Variants in SMAD2 observed in about 807,000 individuals in gnomAD.
The protein encoded by SMAD2 is MAD homolog 2.
A neutral mutation model predicts 64.4 loss-of-function variants in SMAD2; 8 were observed. That is an observed-to-expected ratio of 0.12 (90% CI 0.07 to 0.22). SMAD2 has a LOEUF of 0.22. Ranked by LOEUF, SMAD2 falls within the 10% of genes least tolerant of loss-of-function variation. The pLI, the probability that SMAD2 is intolerant of heterozygous loss-of-function variation, is 1.00. For synonymous variants in SMAD2, 203 were observed against 195.8 expected, an observed-to-expected ratio of 1.04 and a Z score of -0.31; for missense variants, 289 against 561.2, an observed-to-expected ratio of 0.51 and a Z score of 4.90.
At chr18:47,902,876 A>C (rs1598866896) in intron 1 of SMAD2, among the ~76,000 whole-genome samples, 1 of 152,120 alleles carries the variant, frequency 6.6e-6, no homozygotes, top group African/African-American at 2.4e-5. Flanking sequence ...TCCTGCCATA[A>C]ATGAAAGAAA....
At chr18:47,854,319 C>A (rs957954978) in intron 6 of SMAD2, among the ~76,000 whole-genome samples, 3 of 152,278 alleles carry the variant, frequency 2.0e-5, no homozygotes, top group East Asian at 1.9e-4. Flanking sequence ...AGGATACATT[C>A]GTCAAACCTT....
At chr18:47,907,394 G>T (rs1439077201) in intron 1 of SMAD2, among the ~76,000 whole-genome samples, 1 of 152,152 alleles carries the variant, frequency 6.6e-6, no homozygotes, top group East Asian at 1.9e-4. Flanking sequence ...AACATGCTGG[G>T]CAAAAGACAA....
rs908726027 is a variant in SMAD2 at position 47,839,944 on chromosome 18, C to T, written c.*1883G>A. 1.1e-4 allele frequency: 26 copies of T among 233,084 alleles called. No individual in the cohort carries two copies. The highest frequency in any genetic ancestry group is 4.9e-4 in the African/African-American group (22 of 45,344). 14.4% of individuals were successfully genotyped at this position (233,084 alleles called of 1,614,324 possible). ...TTCTCCAGTACAGTACCCTGTTTAT[C>T]TCCTTCATAGACAAGTAAGATAATT... is the stretch of plus-strand genomic sequence containing the variant. On this transcript the variant is annotated 3_prime_UTR_variant, in exon 11 of 11. Transcript: ENST00000262160.
chr18:47,851,233 T>C (rs754725912), intron 7 of SMAD2, 41 bp downstream of exon 7: 10 of 1,338,054 alleles, frequency 7.5e-6, no homozygotes, highest in Non-Finnish European at 1.1e-5. Flanking sequence ...AAGTAGGTGA[T>C]ACAGTATAAA....
At chr18:47,922,213 TTAGA>T (rs754813496) in intron 1 of SMAD2, among the ~76,000 whole-genome samples, 1 of 152,206 alleles carries the variant, frequency 6.6e-6, no homozygotes, top group African/African-American at 2.4e-5. Flanking sequence ...GAATTTTTAT[TTAGA>T]AAGAAAACCA....
chr18:47,867,758 T>C (rs769719244), intron 5 of SMAD2, among the ~76,000 whole-genome samples: 2 of 151,690 alleles, frequency 1.3e-5, no homozygotes, highest in African/African-American at 2.4e-5. Flanking sequence ...TTGAGAACCA[T>C]GTAGCTGAAT....
chr18:47,923,408 A>AT (rs2144549055), intron 1 of SMAD2, among the ~76,000 whole-genome samples: 1 of 152,350 alleles, frequency 6.6e-6, no homozygotes, highest in East Asian at 1.9e-4. Flanking sequence ...ACTTTATACA[A>AT]TGATGTAAAT....
Position 47,836,283 on chromosome 18 carries a change from A to C in SMAD2, c.*5544T>G, listed in dbSNP as rs1913405403. On this transcript the variant is annotated 3_prime_UTR_variant, in exon 11 of 11. Transcript: ENST00000262160. ...AAAGAGGGAGCAATCTAGTATTATC[A>C]ACAACAACAAAGTTAACCCTAAGTT... 1 of 223,508 alleles carries C rather than the reference A, an allele frequency of 4.5e-6. No individual in the cohort carries two copies. Among genetic ancestry groups the C allele is most frequent in the South Asian group, 1.8e-4 (1 of 5,438 alleles). 13.8% of individuals were successfully genotyped at this position (223,508 alleles called of 1,614,324 possible). A position where few individuals can be genotyped will look rare whatever the true frequency, so the allele number is the denominator to read the frequency against.
At chr18:47,863,749 A>G (rs2031359445) in intron 6 of SMAD2, among the ~76,000 whole-genome samples, 1 of 152,216 alleles carries the variant, frequency 6.6e-6, no homozygotes, top group Non-Finnish European at 1.5e-5. Context: ...TAATGCCTGC[A>G]TAAATGGTCA....
At chr18:47,861,162 C>A (rs1402114917) in intron 6 of SMAD2, among the ~76,000 whole-genome samples, 2 of 152,050 alleles carry the variant, frequency 1.3e-5, no homozygotes, top group Admixed American at 6.6e-5. Context: ...TCGAGACCAG[C>A]CTGACCAACG....
intron 5 of SMAD2, among the ~76,000 whole-genome samples, chr18:47,866,512 T>G (rs1391651465): frequency 1.3e-5 from 2 of 151,760 alleles, no homozygotes; most frequent in Admixed American, 1.3e-4. Context: ...TCAAAGAACA[T>G]AAAAATAAGG....
At chr18:47,847,544 T>C (rs972360384) in intron 8 of SMAD2, among the ~76,000 whole-genome samples, 4 of 148,582 alleles carry the variant, frequency 2.7e-5, no homozygotes, top group Admixed American at 6.8e-5. Context: ...ATATTAGATA[T>C]AAAAACTGAG....
At chr18:47,898,292 G>A (rs938793296) in intron 1 of SMAD2, among the ~76,000 whole-genome samples, 1 of 152,174 alleles carries the variant, frequency 6.6e-6, no homozygotes, top group African/African-American at 2.4e-5. Context: ...ACTAGTAACT[G>A]GATTATACGT....
chr18:47,858,635 T>C lies in SMAD2; in HGVS notation c.730+6424A>G, dbSNP rs146781696. On this transcript the variant is annotated intron_variant, in intron 6 of 10. Transcript: ENST00000262160. ...TCAATAATAGTACAAACAACAGAAG[T>C]AGATGAATGAAACTAGAGTGGTGTA... Among the ~76,000 whole-genome samples, 13 of 152,228 alleles carry C rather than the reference T, an allele frequency of 8.5e-5. No individual in the cohort carries two copies. The South Asian group carries it at 2.3e-3, about 27-fold the overall frequency.
chr18:47,928,034 A>G (rs974477569), intron 1 of SMAD2, among the ~76,000 whole-genome samples: 4 of 152,200 alleles, frequency 2.6e-5, no homozygotes, highest in Non-Finnish European at 5.9e-5. Context: ...TCTCACAGAA[A>G]CTAAGGGCCT....
chr18:47,896,876 C>G, intron 1 of SMAD2, 67 bp from the exon 2 acceptor site: 1 of 1,418,944 alleles, frequency 7.0e-7, no homozygotes, highest in Middle Eastern at 1.7e-4. Flanking sequence ...TTCAACTTAT[C>G]ATAGAAAGCA....
intron 2 of SMAD2, chr18:47,895,751 T>C (rs1195112300): frequency 2.0e-5 from 3 of 152,262 alleles, no homozygotes; most frequent in Non-Finnish European, 4.4e-5. Flanking sequence ...GCATCAAAAG[T>C]GTACTTCTCA....
rs569258134 is a variant in SMAD2 at position 47,826,431 on chromosome 18, G to A, written c.*15396C>T. 6.6e-6 allele frequency: 1 copy of A among 152,350 alleles called. No homozygotes were observed. Among genetic ancestry groups the A allele is most frequent in the South Asian group, 2.1e-4 (1 of 4,824 alleles). 9.4% of individuals were successfully genotyped at this position (152,350 alleles called of 1,614,324 possible). A position where few individuals can be genotyped will look rare whatever the true frequency, so the allele number is the denominator to read the frequency against. On this transcript the variant is annotated 3_prime_UTR_variant, in exon 11 of 11. Coordinates refer to ENST00000262160, the MANE Select transcript of SMAD2 (RefSeq NM_005901.6). ...GCCATGTGGCTTGTTTCTGGTGAAT[G>A]CTAGTTAGCATGAAGCATGCAGACA...
intron 1 of SMAD2, among the ~76,000 whole-genome samples, chr18:47,918,827 G>A (rs904613757): frequency 6.6e-6 from 1 of 152,066 alleles, no homozygotes; most frequent in African/African-American, 2.4e-5. Context: ...AGAAAGATGG[G>A]AAACAGTAGA....
Sources: allele counts gnomAD v4.1 joint callset (sites outside exome capture counted in the v4.1 genomes callset), GRCh38; gene constraint gnomAD v4.1.1; transcripts MANE v1.5; gene names NCBI Gene and HGNC (gene_info 2026-07-23, HGNC 2026-07-21).